The following MLH3 variants were observed in gnomAD, a reference collection of about 807,000 sequenced individuals.
The protein encoded by MLH3 is DNA mismatch repair protein Mlh3.
In MLH3, 82 loss-of-function variants were observed where a neutral mutation model predicts 122.2. The ratio of observed to expected loss-of-function variants is 0.67; its 90% CI spans 0.56 to 0.81. The LOEUF (loss-of-function observed/expected upper bound fraction) is 0.81, where lower values mean the gene tolerates loss of function less well. Among genes scored for constraint, MLH3 ranks in the 30% least tolerant of loss-of-function variants. The pLI is 0.00. For missense variants in MLH3, 1,539 were observed against 1,714.5 expected (o/e 0.90, Z 1.81); for synonymous variants, 524 against 599.5 (o/e 0.87, Z 1.84).
At chr14:75,017,806 T>A (rs941474153) in intron 12 of MLH3, among the ~76,000 whole-genome samples, 1 of 152,140 alleles carries the variant, frequency 6.6e-6, no homozygotes, top group Non-Finnish European at 1.5e-5. Context: ...GAAAACTCCA[T>A]GCAAGAAAAG....
At position 75,030,620 on chromosome 14, in the gene MLH3, C is replaced by T; in HGVS notation, c.3910G>A (p.Val1304Ile). The change falls in exon 9 of 13, where the codon GTA becomes ATA. Residue 1304 changes from valine (V) to isoleucine (I), a missense_variant. Coordinates refer to ENST00000355774, the MANE Select transcript of MLH3 (RefSeq NM_001040108.2). ...TSDSLVLVGKVPLCFVEREAN... is the reference protein window; with the variant it reads ...TSDSLVLVGKIPLCFVEREAN... ...TCTCTTTCCACAAAACATAGTGGTACTTTTCCCACAAGGACCAGAGAATCA... is the reference window on the plus strand; with the variant it reads ...TCTCTTTCCACAAAACATAGTGGTATTTTTCCCACAAGGACCAGAGAATCA... 6.2e-7 allele frequency: 1 copy of T among 1,613,840 alleles called. No individual in the cohort carries two copies. The highest frequency in any genetic ancestry group is 8.5e-7 in the Non-Finnish European group (1 of 1,179,784).
intron 5 of MLH3, among the ~76,000 whole-genome samples, chr14:75,039,430 G>T (rs1180181011): frequency 6.6e-6 from 1 of 152,158 alleles, no homozygotes; most frequent in Non-Finnish European, 1.5e-5. Flanking sequence ...TAGAAAAGCA[G>T]ATCAGACAAA....
Position 75,016,238 on chromosome 14 carries a change from T to C in MLH3, c.*844A>G, listed in dbSNP as rs1296992152. The C allele has an allele frequency of 4.7e-6, 1 of 211,788 alleles. No homozygotes were observed. The highest frequency in any genetic ancestry group is 9.6e-6 in the Non-Finnish European group (1 of 104,554). 13.1% of individuals were successfully genotyped at this position (211,788 alleles called of 1,614,324 possible). ...AACCCTTGTCTCCTGAAAGAAAAAG[T>C]GTAAAGATATTTGGTTAGGTTGAAC... On this transcript the variant is annotated 3_prime_UTR_variant, in exon 13 of 13. Coordinates refer to ENST00000355774, the MANE Select transcript of MLH3 (RefSeq NM_001040108.2).
At position 75,017,055 on chromosome 14, in the gene MLH3, G is replaced by C; in HGVS notation, c.*27C>G. On this transcript the variant is annotated 3_prime_UTR_variant, in exon 13 of 13. Transcript: ENST00000355774. Reference sequence around the variant, plus strand: ...AGAGGCATACAGTGAACATCCCTTTGTTCCTTTTAGACCAGTGATTCTGTT... The same window carrying C: ...AGAGGCATACAGTGAACATCCCTTTCTTCCTTTTAGACCAGTGATTCTGTT... 6.2e-7 allele frequency: 1 copy of C among 1,612,162 alleles called. No individual in the cohort carries two copies. Among genetic ancestry groups the C allele is most frequent in the Non-Finnish European group, 8.5e-7 (1 of 1,178,756 alleles).
intron 11 of MLH3, 60 bp downstream of exon 11, chr14:75,022,754 C>T (rs2139325936): frequency 1.4e-6 from 2 of 1,439,624 alleles, no homozygotes; most frequent in Non-Finnish European, 2.0e-6. Flanking sequence ...GTAATCCCGG[C>T]AGCCCTGCCA....
chr14:75,035,466 G>A (rs1379183596), intron 6 of MLH3, among the ~76,000 whole-genome samples: 5 of 152,188 alleles, frequency 3.3e-5, no homozygotes, highest in Non-Finnish European at 7.3e-5. Context: ...AGGTTGCAGT[G>A]AGCTGAGATT....
At chr14:75,020,757 A>G (rs1890220644) in intron 11 of MLH3, 1 of 152,174 alleles carries the variant, frequency 6.6e-6, no homozygotes. Flanking sequence ...AAGAACCCTC[A>G]ATGGTGTTCG....
chr14:75,027,111 A>G (rs1323816256), intron 9 of MLH3, among the ~76,000 whole-genome samples: 1 of 152,046 alleles, frequency 6.6e-6, no homozygotes, highest in African/African-American at 2.4e-5. Context: ...AAAATGAAAT[A>G]AAATAAAATA....
At chr14:75,042,271 CA>C in intron 3 of MLH3, 107 bp downstream of exon 3, 1 of 919,858 alleles carries the variant, frequency 1.1e-6, no homozygotes, top group Non-Finnish European at 1.8e-6. Context: ...TTCCTGATTC[CA>C]GTACAGCACA....
chr14:75,022,796 C>T lies in MLH3; in HGVS notation c.4090+18G>A, dbSNP rs191312542. ...TGCATGCAGAGGTGTTTGATCACTG[C>T]TATGTTGAAGGGCTTACCATGGCAG... On this transcript the variant is annotated intron_variant, in intron 11 of 12. Coordinates refer to ENST00000355774, the MANE Select transcript of MLH3 (RefSeq NM_001040108.2). 12 of 1,612,608 alleles carry T rather than the reference C, an allele frequency of 7.4e-6. No homozygotes were observed. In the Admixed American group the frequency reaches 1.8e-4, roughly 25 times the overall value.
Position 75,046,395 on chromosome 14 carries a change from C to A in MLH3, c.3261G>T (p.Val1087=). The A allele has an allele frequency of 6.2e-7, 1 of 1,614,180 alleles. No individual in the cohort carries two copies. The highest frequency in any genetic ancestry group is 8.5e-7 in the Non-Finnish European group (1 of 1,180,028). Residue 1087 remains valine, a synonymous_variant, in exon 2 of 13, where the codon GTG becomes GTT. Transcript: ENST00000355774. ...ACTTACCATTCTCAAGTACAACATC[C>A]ACAGCCACAGTTGTCAGGTCTTTAG... ...ACTKDLTTVA[V]DVVLENGSQY... is the part of the protein sequence containing the mutation.
chr14:75,033,577 ACTAT>A (rs1891194980), intron 6 of MLH3, 87 bp from the exon 7 acceptor site: 3 of 947,114 alleles, frequency 3.2e-6, no homozygotes. Context: ...CTTAATTCAA[ACTAT>A]CTAACAACAG....
At chr14:75,023,053 G>C in intron 9 of MLH3, 35 bp from the exon 10 acceptor site, 1 of 1,612,746 alleles carries the variant, frequency 6.2e-7, no homozygotes, top group South Asian at 1.1e-5. Context: ...TTTAATCTAC[G>C]GTTATGTTTT....
chr14:75,029,611 A>G (rs1190681135), intron 9 of MLH3, among the ~76,000 whole-genome samples: 4 of 151,732 alleles, frequency 2.6e-5, no homozygotes, highest in Non-Finnish European at 5.9e-5. Flanking sequence ...TCTTGGCTCA[A>G]TGCAACCTCC....
rs1032410483 is a variant in MLH3, at chr14:75,016,009, T to G, written c.*1073A>C. ...TTGCAATAAACATTACCAGCTGGCT[T>G]TTTGCATTTTTTTTCTACTATGCAA... On this transcript the variant is annotated 3_prime_UTR_variant, in exon 13 of 13. Transcript: ENST00000355774. 53 of 231,106 alleles carry G rather than the reference T, an allele frequency of 2.3e-4. No homozygotes were observed. Among genetic ancestry groups the G allele is most frequent in the Admixed American group, 2.3e-3 (40 of 17,734 alleles). 14.3% of individuals were successfully genotyped at this position (231,106 alleles called of 1,614,324 possible).
At position 75,030,576 on chromosome 14, in the gene MLH3, T is replaced by A. The variant is rs775627258; in HGVS notation, c.3954A>T (p.Arg1318Ser). ...TACTCTTGGTCACAGTAGATCTTCC[T>A]CTCCGAAGTTCATTGGCTTCTCTTT... ...FVEREANELR[R>S]GRSTVTKSIV... The change falls in exon 9 of 13, where the codon AGA becomes AGT. Residue 1318 changes from arginine (R) to serine (S), a missense_variant. Physicochemically the swap from Arg to Ser is moderately radical, Grantham distance 110 (BLOSUM62 -1). Transcript: ENST00000355774. The A allele has an allele frequency of 6.2e-7, 1 of 1,614,156 alleles. No homozygotes were observed. The highest frequency in any genetic ancestry group is 1.7e-5 in the Admixed American group (1 of 60,018).
intron 2 of MLH3, among the ~76,000 whole-genome samples, chr14:75,045,480 C>G (rs1358238064): frequency 6.6e-6 from 1 of 152,156 alleles, no homozygotes; most frequent in Admixed American, 6.5e-5. Flanking sequence ...TTTGAAAATT[C>G]ATGGACAAGT....
chr14:75,031,529 T>C (rs1285088193), intron 8 of MLH3, among the ~76,000 whole-genome samples: 1 of 152,218 alleles, frequency 6.6e-6, no homozygotes, highest in African/African-American at 2.4e-5. Flanking sequence ...GTGGAAAGAA[T>C]AGGCTGGGTC....
chr14:75,042,347 C>G (rs2139504124), intron 3 of MLH3, 32 bp downstream of exon 3: 3 of 1,568,086 alleles, frequency 1.9e-6, no homozygotes, highest in Non-Finnish European at 2.6e-6. Context: ...ACGATGTGTA[C>G]TGTGTGCCCC....
Sources: allele counts gnomAD v4.1 joint callset (sites outside exome capture counted in the v4.1 genomes callset), GRCh38; gene constraint gnomAD v4.1.1; transcripts MANE v1.5; gene names NCBI Gene and HGNC (gene_info 2026-07-23, HGNC 2026-07-21).